Variants in KLHDC2 observed in about 807,000 individuals in gnomAD.
KLHDC2 encodes kelch domain-containing protein 2.
A neutral mutation model predicts 62.3 loss-of-function variants in KLHDC2; 38 were observed. The ratio of observed to expected loss-of-function variants is 0.61; its 90% confidence interval spans 0.47 to 0.80. The LOEUF is 0.80. KLHDC2 is among the 30% of genes least tolerant of loss of function. The pLI is 0.00. For missense variants in KLHDC2, 430 were observed against 495.3 expected (o/e 0.87, Z 1.25); for synonymous variants, 159 against 161.0 (o/e 0.99, Z 0.09).
intron 9 of KLHDC2, 102 bp from the exon 10 acceptor site, chr14:49,780,599 CTG>C: frequency 1.2e-6 from 1 of 840,662 alleles, no homozygotes; most frequent in Non-Finnish European, 2.1e-6. Context: ...AATATACTCT[CTG>C]TATCTGCTCA....
intron 8 of KLHDC2, 116 bp downstream of exon 8, chr14:49,779,922 A>G (rs1025879846): frequency 1.4e-6 from 1 of 736,304 alleles, no homozygotes. Flanking sequence ...AATTAAATAA[A>G]CATAATTACT....
chr14:49,778,593 GAA>G, intron 6 of KLHDC2, 99 bp downstream of exon 6: 1 of 616,558 alleles, frequency 1.6e-6, no homozygotes. Flanking sequence ...AAGATACTGT[GAA>G]AGTGACAGTT....
At position 49,784,505 on chromosome 14, in the gene KLHDC2, G is replaced by T. The variant is rs1350474314; in HGVS notation, c.*1552G>T. The T allele has an allele frequency of 1.6e-6, 1 of 627,600 alleles. No individual in the cohort carries two copies. The highest frequency in any genetic ancestry group is 2.2e-5 in the South Asian group (1 of 44,996). The allele number at this position is 627,600 out of a possible 1,614,324, so 38.9% of individuals were successfully genotyped here. On this transcript the variant is annotated 3_prime_UTR_variant, in exon 13 of 13. Coordinates refer to ENST00000298307, the MANE Select transcript of KLHDC2 (RefSeq NM_014315.3). ...GAAAAAACAAGAAGTAAGTCCTTTT[G>T]GTGAATATAGCAAGGCAATGTTTAG...
chr14:49,770,812 G>T (rs1400841721), intron 1 of KLHDC2, among the ~76,000 whole-genome samples: 3 of 152,222 alleles, frequency 2.0e-5, no homozygotes, highest in Non-Finnish European at 4.4e-5. Flanking sequence ...GCAGAACAAA[G>T]AACTTAAAAT....
chr14:49,780,397 G>C, intron 9 of KLHDC2, 75 bp downstream of exon 9: 1 of 960,644 alleles, frequency 1.0e-6, no homozygotes. Flanking sequence ...GAGTCTATTA[G>C]AGACTGATGA....
At chr14:49,775,902 C>T in intron 3 of KLHDC2, among the ~76,000 whole-genome samples, 1 of 152,100 alleles carries the variant, frequency 6.6e-6, no homozygotes, top group East Asian at 1.9e-4. Flanking sequence ...GCTGGGATTA[C>T]AGGCATGAGC....
intron 6 of KLHDC2, among the ~76,000 whole-genome samples, chr14:49,778,968 C>T (rs2139799040): frequency 6.6e-6 from 1 of 152,222 alleles, no homozygotes; most frequent in South Asian, 2.1e-4. Flanking sequence ...TGTGATTTGC[C>T]CACCTCGGCC....
chr14:49,780,661 A>C (rs1476902896), intron 9 of KLHDC2, 42 bp from the exon 10 acceptor site: 6 of 1,261,728 alleles, frequency 4.8e-6, no homozygotes, highest in Non-Finnish European at 7.0e-6. Context: ...TGTCAATGTC[A>C]TATTGACAGA....
intron 3 of KLHDC2, among the ~76,000 whole-genome samples, chr14:49,775,923 G>A (rs1022145266): frequency 9.9e-5 from 15 of 151,988 alleles, no homozygotes; most frequent in Admixed American, 5.3e-4. Flanking sequence ...CACCGTGCCC[G>A]GCAGCAAATG....
chr14:49,768,952 T>G (rs530032332), intron 1 of KLHDC2: 16 of 270,162 alleles, frequency 5.9e-5, no homozygotes, highest in Middle Eastern at 1.1e-3. Context: ...TTCGGAAGGG[T>G]TGGGGTGTGA....
Position 49,783,579 on chromosome 14 carries a change from A to AATG in KLHDC2, c.*631_*633dup, listed in dbSNP as rs1290947797. 1 of 152,176 alleles carries AATG rather than the reference A, an allele frequency of 6.6e-6. No individual in the cohort carries two copies. The highest frequency in any genetic ancestry group is 1.5e-5 in the Non-Finnish European group (1 of 68,038). 9.4% of individuals were successfully genotyped at this position (152,176 alleles called of 1,614,324 possible). A position where few individuals can be genotyped will look rare whatever the true frequency, so the allele number is the denominator to read the frequency against. On this transcript the variant is annotated 3_prime_UTR_variant, in exon 13 of 13. Transcript: ENST00000298307. ...TTATAGCTCATGAAGGAATGGAAATAATGATGACATCATTTTCCATTCTGT... is the reference window on the plus strand; with the variant it reads ...TTATAGCTCATGAAGGAATGGAAATAATGATGATGACATCATTTTCCATTCTGT...
intron 12 of KLHDC2, 27 bp downstream of exon 12, chr14:49,782,621 G>T: frequency 6.4e-7 from 1 of 1,560,534 alleles, no homozygotes. Context: ...TTGGCACTTA[G>T]ATTATTTAAA....
At position 49,778,486 on chromosome 14, in the gene KLHDC2, ATAACTAC is replaced by A; in HGVS notation, c.627_633del (p.Ile209MetfsTer32). On this transcript the variant is annotated frameshift_variant and splice_region_variant, in exon 6 of 13. Coordinates refer to ENST00000298307, the MANE Select transcript of KLHDC2 (RefSeq NM_014315.3). LOFTEE classifies it high-confidence loss of function. ...TGAAACATTTACCTGGAGCCAGCCT[ATAACTAC>A]TGTGAGTTACTAAAGAATAATGAAT... The A allele has an allele frequency of 1.3e-6, 2 of 1,544,882 alleles. No homozygotes were observed. The highest frequency in any genetic ancestry group is 1.8e-6 in the Non-Finnish European group (2 of 1,121,316).
intron 12 of KLHDC2, 23 bp downstream of exon 12, chr14:49,782,617 C>A: frequency 6.4e-7 from 1 of 1,565,916 alleles, no homozygotes; most frequent in Non-Finnish European, 8.7e-7. Flanking sequence ...GTACTTGGCA[C>A]TTAGATTATT....
chr14:49,782,775 T>A (rs746570118), intron 12 of KLHDC2, 55 bp from the exon 13 acceptor site: 7 of 1,575,508 alleles, frequency 4.4e-6, no homozygotes, highest in Non-Finnish European at 4.3e-6. Flanking sequence ...TTCAAGTGAA[T>A]GTACTTCCAA....
intron 2 of KLHDC2, among the ~76,000 whole-genome samples, chr14:49,774,103 C>A (rs891838836): frequency 6.6e-6 from 1 of 152,100 alleles, no homozygotes; most frequent in African/African-American, 2.4e-5. Flanking sequence ...TGTAGTGTTA[C>A]ATAAAGGACT....
chr14:49,774,615 T>C lies in KLHDC2; in HGVS notation c.288T>C (p.Ala96=). 1 of 1,614,022 alleles carries C rather than the reference T, an allele frequency of 6.2e-7. No homozygotes were observed. Among genetic ancestry groups the C allele is most frequent in the Non-Finnish European group, 8.5e-7 (1 of 1,179,872 alleles). ...DVPPSMSGSC[A]VCVDRVLYLF... ...CTCCTTCTATGTCAGGAAGCTGTGCTGTGTGTGTAGACAGGGTGCTGTACT... is the reference window on the plus strand; with the variant it reads ...CTCCTTCTATGTCAGGAAGCTGTGCCGTGTGTGTAGACAGGGTGCTGTACT... The change falls in exon 3 of 13, where the codon GCT becomes GCC. Residue 96 remains alanine, a synonymous_variant. Transcript: ENST00000298307.
In KLHDC2 at chr14:49,785,468, C is replaced by T. The variant is rs2139815007; in HGVS notation, c.*2515C>T. The T allele has an allele frequency of 1.6e-6, 1 of 617,936 alleles. No homozygotes were observed. Among genetic ancestry groups the T allele is most frequent in the Non-Finnish European group, 2.9e-6 (1 of 344,194 alleles). The allele number at this position is 617,936 out of a possible 1,614,324, so 38.3% of individuals were successfully genotyped here. A position where few individuals can be genotyped will look rare whatever the true frequency, so the allele number is the denominator to read the frequency against. On this transcript the variant is annotated 3_prime_UTR_variant, in exon 13 of 13. Coordinates refer to ENST00000298307, the MANE Select transcript of KLHDC2 (RefSeq NM_014315.3). Reference sequence around the variant, plus strand: ...CTGGAACAGTGGTACTTAAACTCTGCTTCATAGTTCCAAAGAGTTGAAGAC... The same window carrying T: ...CTGGAACAGTGGTACTTAAACTCTGTTTCATAGTTCCAAAGAGTTGAAGAC...
chr14:49,777,908 C>G lies in KLHDC2; in HGVS notation c.421C>G (p.Pro141Ala). Residue 141 changes from proline to alanine, a missense_variant, in exon 4 of 13, where the codon CCT (proline) becomes GCT (alanine). Physicochemically the swap from Pro to Ala is conservative, Grantham distance 27 (BLOSUM62 -1). Coordinates refer to ENST00000298307, the MANE Select transcript of KLHDC2 (RefSeq NM_014315.3). Reference protein sequence around the residue: ...QWERIDCQGIPPSSKDKLGVW... With the variant: ...QWERIDCQGIAPSSKDKLGVW... ...GGAAAGAATTGATTGCCAAGGAATT[C>G]CTCCATCATCAAAGGACAAACTTGG... The G allele has an allele frequency of 6.2e-7, 1 of 1,612,420 alleles. No homozygotes were observed. The highest frequency in any genetic ancestry group is 8.5e-7 in the Non-Finnish European group (1 of 1,178,892).
Sources: gnomAD v4.1 joint callset for allele counts (sites outside exome capture counted in the v4.1 genomes callset) on GRCh38, gnomAD v4.1.1 for gene constraint, MANE v1.5 for transcripts, NCBI Gene and HGNC (gene_info 2026-07-23, HGNC 2026-07-21) for gene names.